The following DIAPH3 variants were observed in gnomAD, a reference collection of about 807,000 sequenced individuals.
DIAPH3 encodes the protein protein diaphanous homolog 3.
Under a neutral mutation model 144.3 loss-of-function variants are expected in DIAPH3, and 117 were observed. That is an observed-to-expected ratio of 0.81 (90% CI 0.70 to 0.95). The LOEUF (loss-of-function observed/expected upper bound fraction) is 0.95, where lower values mean the gene tolerates loss of function less well. Ranked by LOEUF, DIAPH3 falls within the 40% of genes least tolerant of loss-of-function variation. The pLI is 0.00. For synonymous variants in DIAPH3, 519 were observed against 488.9 expected (o/e 1.06, Z -0.81); for missense variants, 1,421 against 1,412.7 (o/e 1.01, Z -0.09).
chr13:59,920,365 G>T (rs1305398293), intron 18 of DIAPH3, among the ~76,000 whole-genome samples: 1 of 151,770 alleles, frequency 6.6e-6, no homozygotes, highest in East Asian at 1.9e-4. Flanking sequence ...GATATGCCAT[G>T]CACATGAAAA....
At chr13:59,919,202 C>T (rs1047495594) in intron 18 of DIAPH3, among the ~76,000 whole-genome samples, 1 of 151,928 alleles carries the variant, frequency 6.6e-6, no homozygotes, top group Middle Eastern at 3.2e-3. Context: ...AGAGCAAAAA[C>T]GTGTCATTGA....
At chr13:59,774,885 A>G (rs1397460309) in intron 25 of DIAPH3, 62 bp from the exon 26 acceptor site, 7 of 1,404,612 alleles carry the variant, frequency 5.0e-6, no homozygotes, top group Non-Finnish European at 7.1e-6. Flanking sequence ...ATGTCAAAGC[A>G]TATACAAAAA....
chr13:59,738,470 T>C (rs1227394521), intron 27 of DIAPH3, among the ~76,000 whole-genome samples: 1 of 152,118 alleles, frequency 6.6e-6, no homozygotes, highest in Admixed American at 6.5e-5. Flanking sequence ...AAGCAGTACC[T>C]AAATTGCTTA....
intron 3 of DIAPH3, among the ~76,000 whole-genome samples, chr13:60,101,124 G>A (rs12427712): frequency 0.25 from 37,496 of 152,100 alleles, 5,494 homozygotes; most frequent in Admixed American, 0.38. Context: ...CAGGCACTGT[G>A]CTAAACATTC....
intron 27 of DIAPH3, among the ~76,000 whole-genome samples, chr13:59,674,223 T>A (rs1050089784): frequency 1.2e-4 from 18 of 152,256 alleles, no homozygotes; most frequent in African/African-American, 4.3e-4. Context: ...TATATATGGC[T>A]ATTCTATAGC....
At chr13:60,014,176 C>T (rs2053473157) in intron 7 of DIAPH3, among the ~76,000 whole-genome samples, 1 of 151,968 alleles carries the variant, frequency 6.6e-6, no homozygotes, top group Admixed American at 6.6e-5. Flanking sequence ...AAAAAAGTTC[C>T]TAGATTTTTT....
chr13:60,013,490 G>T (rs1002895075), intron 7 of DIAPH3: 4 of 152,180 alleles, frequency 2.6e-5, no homozygotes, highest in African/African-American at 9.7e-5. Flanking sequence ...CCAAACTGAA[G>T]TCTCTGTTCT....
At chr13:60,033,086 A>G (rs1054760363) in intron 5 of DIAPH3, among the ~76,000 whole-genome samples, 4 of 152,238 alleles carry the variant, frequency 2.6e-5, no homozygotes, top group Non-Finnish European at 5.9e-5. Context: ...CATACCATGC[A>G]TGACCTTTGC....
At chr13:59,713,130 G>T (rs2034837767) in intron 27 of DIAPH3, among the ~76,000 whole-genome samples, 1 of 152,104 alleles carries the variant, frequency 6.6e-6, no homozygotes, top group Middle Eastern at 3.2e-3. Context: ...CCTATCTGTG[G>T]CCTGGGGGTT....
intron 9 of DIAPH3, among the ~76,000 whole-genome samples, chr13:60,002,059 A>G (rs1233204939): frequency 6.6e-6 from 1 of 152,214 alleles, no homozygotes; most frequent in African/African-American, 2.4e-5. Context: ...TTGCGCAATC[A>G]CTAACACATC....
chr13:59,917,403 T>C (rs1023874193), intron 18 of DIAPH3, among the ~76,000 whole-genome samples: 1 of 152,162 alleles, frequency 6.6e-6, no homozygotes, highest in Non-Finnish European at 1.5e-5. Context: ...TGTATTGAGG[T>C]TGTATTCCTG....
At chr13:59,832,083 A>G (rs1211495275) in intron 24 of DIAPH3, among the ~76,000 whole-genome samples, 1 of 151,862 alleles carries the variant, frequency 6.6e-6, no homozygotes, top group African/African-American at 2.4e-5. Context: ...AAAACATTAC[A>G]AAATTTAAAA....
At chr13:59,687,861 A>T (rs2033297996) in intron 27 of DIAPH3, among the ~76,000 whole-genome samples, 1 of 152,076 alleles carries the variant, frequency 6.6e-6, no homozygotes, top group Non-Finnish European at 1.5e-5. Context: ...TCCTATAGAT[A>T]TTAACAACTA....
chr13:59,961,625 T>C (rs2049765672), intron 17 of DIAPH3, among the ~76,000 whole-genome samples: 1 of 152,208 alleles, frequency 6.6e-6, no homozygotes, highest in South Asian at 2.1e-4. Flanking sequence ...TTTAAATCAA[T>C]GCAGAGCACT....
chr13:59,813,662 T>C (rs2040609947), intron 24 of DIAPH3, among the ~76,000 whole-genome samples: 1 of 152,056 alleles, frequency 6.6e-6, no homozygotes, highest in Non-Finnish European at 1.5e-5. Context: ...GAGACCATCC[T>C]GGCCAACATG....
At chr13:59,834,627 T>C (rs2041949262) in intron 23 of DIAPH3, among the ~76,000 whole-genome samples, 1 of 151,650 alleles carries the variant, frequency 6.6e-6, no homozygotes, top group African/African-American at 2.4e-5. Flanking sequence ...GGCTAGCATA[T>C]GAAAGAATTC....
intron 13 of DIAPH3, among the ~76,000 whole-genome samples, chr13:59,983,228 C>CG (rs994733177): frequency 8.9e-5 from 12 of 135,218 alleles, no homozygotes; most frequent in Non-Finnish European, 1.3e-4. Flanking sequence ...AAAAAGGCTT[C>CG]GGGGGGGACA....
intron 25 of DIAPH3, among the ~76,000 whole-genome samples, chr13:59,796,521 T>C (rs561776725): frequency 1.3e-5 from 2 of 152,342 alleles, no homozygotes; most frequent in African/African-American, 4.8e-5. Context: ...ATATATTAAG[T>C]ACCTTCCATT....
At chr13:59,787,641 C>T (rs953739014) in intron 25 of DIAPH3, among the ~76,000 whole-genome samples, 1 of 152,106 alleles carries the variant, frequency 6.6e-6, no homozygotes, top group African/African-American at 2.4e-5. Flanking sequence ...CATTGGCATT[C>T]CCTCGGTCTG....
Sources: gnomAD v4.1 joint callset for allele counts (sites outside exome capture counted in the v4.1 genomes callset) on GRCh38, gnomAD v4.1.1 for gene constraint, MANE v1.5 for transcripts, NCBI Gene and HGNC (gene_info 2026-07-23, HGNC 2026-07-21) for gene names.